The following SGMS1 variants were observed in gnomAD, a reference collection of about 807,000 sequenced individuals.
The protein encoded by SGMS1 is phosphatidylcholine:ceramide cholinephosphotransferase 1.
SGMS1 carries 13 observed loss-of-function variants against 46.2 expected under a neutral mutation model. The ratio of observed to expected loss-of-function variants is 0.28; its 90% CI spans 0.18 to 0.45. SGMS1 has a LOEUF of 0.45. Among genes scored for constraint, SGMS1 ranks in the 20% least tolerant of loss-of-function variants. The pLI, the probability that SGMS1 is intolerant of heterozygous loss-of-function variation, is 1.00. For synonymous variants in SGMS1, 203 were observed against 187.8 expected (o/e 1.08, Z -0.66); for missense variants, 324 against 519.9 (o/e 0.62, Z 3.66).
intron 3 of SGMS1, among the ~76,000 whole-genome samples, chr10:50,482,080 C>T (rs1268884956): frequency 6.6e-6 from 1 of 152,096 alleles, no homozygotes; most frequent in Non-Finnish European, 1.5e-5. Context: ...AGAATGGAAC[C>T]AAGTTGGAAA....
intron 6 of SGMS1, among the ~76,000 whole-genome samples, chr10:50,390,586 T>C (rs1848752652): frequency 6.6e-6 from 1 of 152,142 alleles, no homozygotes; most frequent in Admixed American, 6.5e-5. Flanking sequence ...TGCAGTGAGC[T>C]GTGATCGTGC....
intron 8 of SGMS1, among the ~76,000 whole-genome samples, chr10:50,316,345 C>G (rs144554352): frequency 6.6e-6 from 1 of 152,196 alleles, no homozygotes; most frequent in Non-Finnish European, 1.5e-5. Flanking sequence ...CAGCCTAGAG[C>G]AGCCCAGGAA....
intron 6 of SGMS1, among the ~76,000 whole-genome samples, chr10:50,355,101 C>G (rs1273396646): frequency 6.6e-6 from 1 of 152,062 alleles, no homozygotes; most frequent in Non-Finnish European, 1.5e-5. Flanking sequence ...GGGTATATAC[C>G]CAAAGGATTA....
At chr10:50,347,794 G>A (rs1847938239) in intron 6 of SGMS1, among the ~76,000 whole-genome samples, 1 of 152,160 alleles carries the variant, frequency 6.6e-6, no homozygotes, top group African/African-American at 2.4e-5. Context: ...TGTTATTTCA[G>A]TCCTCTCTGA....
chr10:50,365,255 C>CAAAAAAAAAAAAAAAAA (rs67951872), intron 6 of SGMS1, among the ~76,000 whole-genome samples: 19 of 45,026 alleles, frequency 4.2e-4, no homozygotes, highest in Admixed American at 1.0e-3. Flanking sequence ...TCCATCTCAC[C>CAAAAAAAAAAAAAAAAA]AAAAAAAAAA....
intron 2 of SGMS1, among the ~76,000 whole-genome samples, chr10:50,571,306 G>C (rs1271308906): frequency 6.6e-6 from 1 of 152,180 alleles, no homozygotes; most frequent in Non-Finnish European, 1.5e-5. Flanking sequence ...CCCTCCCCTA[G>C]AAATGTCATG....
intron 3 of SGMS1, among the ~76,000 whole-genome samples, chr10:50,490,779 G>C (rs1837560433): frequency 6.6e-6 from 1 of 152,116 alleles, no homozygotes; most frequent in Admixed American, 6.5e-5. Flanking sequence ...AATTTGACAA[G>C]TAGTGACTGA....
chr10:50,339,858 G>C (rs973453912), intron 7 of SGMS1, among the ~76,000 whole-genome samples: 1 of 152,214 alleles, frequency 6.6e-6, no homozygotes, highest in African/African-American at 2.4e-5. Flanking sequence ...CTGTGGAGTG[G>C]AGTAGCTAGA....
chr10:50,442,671 T>C (rs987345232), intron 5 of SGMS1, among the ~76,000 whole-genome samples: 5 of 152,226 alleles, frequency 3.3e-5, no homozygotes, highest in East Asian at 1.9e-4. Flanking sequence ...GTCTTTGTAA[T>C]AGAACAATTT....
chr10:50,359,613 G>T (rs978776851), intron 6 of SGMS1, among the ~76,000 whole-genome samples: 10 of 151,422 alleles, frequency 6.6e-5, no homozygotes, highest in African/African-American at 1.9e-4. Context: ...GCCTCCAATT[G>T]AGTCATTTTG....
rs2133266840 is a variant in SGMS1, at chr10:50,307,662, G to GC, written c.1062+319dup. On this transcript the variant is annotated intron_variant, in intron 10 of 10. Transcript: ENST00000361781. The surrounding 1 kb of genome is among the most constrained non-coding windows in gnomAD (Gnocchi z 4.2). ...ATGTTAAATATTAAGCTTGTGATGT[G>GC]CCCCGGGTAGGGAGAAGAGGATAGG... Among the ~76,000 whole-genome samples the GC allele has an allele frequency of 6.6e-6, 1 of 152,304 alleles. No homozygotes were observed. Among genetic ancestry groups the GC allele is most frequent in the South Asian group, 2.1e-4 (1 of 4,822 alleles).
chr10:50,404,738 AC>A (rs1365007897), intron 6 of SGMS1, among the ~76,000 whole-genome samples: 2 of 152,236 alleles, frequency 1.3e-5, no homozygotes, highest in African/African-American at 4.8e-5. Flanking sequence ...AGATATTTAT[AC>A]GAAAATATTT....
chr10:50,427,985 G>GAA (rs1849351955), intron 6 of SGMS1, among the ~76,000 whole-genome samples: 1 of 152,082 alleles, frequency 6.6e-6, no homozygotes, highest in African/African-American at 2.4e-5. Flanking sequence ...GAGAGAGAGA[G>GAA]AATGTGTGTG....
intron 5 of SGMS1, among the ~76,000 whole-genome samples, chr10:50,447,053 A>T (rs1386732801): frequency 2.0e-5 from 3 of 152,202 alleles, no homozygotes; most frequent in Non-Finnish European, 4.4e-5. Context: ...TCTGCTTCCT[A>T]TCTAAATAGT....
intron 2 of SGMS1, among the ~76,000 whole-genome samples, chr10:50,562,975 TA>T (rs1838254968): frequency 6.6e-6 from 1 of 152,214 alleles, no homozygotes; most frequent in South Asian, 2.1e-4. Context: ...TGGTCCTTAC[TA>T]GGTAAGCTCT....
At chr10:50,596,173 C>T (rs933105748) in intron 1 of SGMS1, among the ~76,000 whole-genome samples, 30 of 131,416 alleles carry the variant, frequency 2.3e-4, no homozygotes, top group African/African-American at 6.6e-4. Flanking sequence ...ACTTGTATCA[C>T]GATTTTTTTT....
At chr10:50,386,388 T>C (rs1848682600) in intron 6 of SGMS1, among the ~76,000 whole-genome samples, 2 of 152,158 alleles carry the variant, frequency 1.3e-5, no homozygotes, top group Middle Eastern at 3.2e-3. Context: ...AGCATCCTTA[T>C]GGGTTGAAGT....
At chr10:50,418,411 G>C (rs1849208576) in intron 6 of SGMS1, 2 of 152,518 alleles carry the variant, frequency 1.3e-5, no homozygotes, top group Non-Finnish European at 2.9e-5. Flanking sequence ...CGGGGTTGGC[G>C]GGTGTGGCCC....
chr10:50,481,941 T>C (rs746917844), intron 3 of SGMS1, among the ~76,000 whole-genome samples: 34 of 152,248 alleles, frequency 2.2e-4, no homozygotes, highest in Admixed American at 3.3e-4. Flanking sequence ...TGAAGACTAT[T>C]TTGCTGAAAT....
Sources: allele counts gnomAD v4.1 joint callset (sites outside exome capture counted in the v4.1 genomes callset), GRCh38; gene constraint gnomAD v4.1.1; non-coding constraint Gnocchi (gnomAD v3.1); transcripts MANE v1.5; gene names NCBI Gene and HGNC (gene_info 2026-07-23, HGNC 2026-07-21).